Variants in FDX1 observed in about 807,000 individuals in gnomAD.
FDX1 encodes ferredoxin 1.
Under a neutral mutation model 14.9 loss-of-function variants are expected in FDX1, and 9 were observed. The ratio of observed to expected loss-of-function variants is 0.60; its 90% CI spans 0.36 to 1.05. The LOEUF (loss-of-function observed/expected upper bound fraction) is 1.05, where lower values mean the gene tolerates loss of function less well. FDX1 is among the 50% of genes least tolerant of loss of function. FDX1 has a pLI of 0.01. For missense variants in FDX1, 204 were observed against 237.2 expected, an observed-to-expected ratio of 0.86 and a Z score of 0.92; for synonymous variants, 92 against 99.4, an observed-to-expected ratio of 0.93 and a Z score of 0.44.
intron 1 of FDX1, among the ~76,000 whole-genome samples, chr11:110,435,393 A>C (rs1334136311): frequency 6.6e-6 from 1 of 152,190 alleles, no homozygotes; most frequent in East Asian, 1.9e-4. Context: ...ATAATTGCCA[A>C]ATGTTTTATA....
At chr11:110,449,971 T>C (rs935928073) in intron 2 of FDX1, among the ~76,000 whole-genome samples, 1 of 152,160 alleles carries the variant, frequency 6.6e-6, no homozygotes, top group African/African-American at 2.4e-5. Flanking sequence ...ACTGAAACTT[T>C]GTAGCCTTTG....
In FDX1 at chr11:110,430,165, T is replaced by A. The variant is rs1946320000; in HGVS notation, c.45T>A (p.Ala15=). The A allele has an allele frequency of 1.6e-6, 2 of 1,236,636 alleles. No homozygotes were observed. Among genetic ancestry groups the A allele is most frequent in the Admixed American group, 4.3e-5 (1 of 23,330 alleles). 76.6% of individuals were successfully genotyped at this position (1,236,636 alleles called of 1,614,324 possible). A position where few individuals can be genotyped will look rare whatever the true frequency, so the allele number is the denominator to read the frequency against. ...CCCGGCTGCTGCGCGCCGCTTCTGC[T>A]GTCCTCGGCGGCCCGGCCGGCCGGT... The part of the protein sequence containing the change: ...GGARLLRAAS[A]VLGGPAGRWL... The change falls in exon 1 of 4, where the codon GCT becomes GCA. Residue 15 remains alanine (A), a synonymous_variant. Coordinates refer to ENST00000260270, the MANE Select transcript of FDX1 (RefSeq NM_004109.5).
At chr11:110,439,861 A>T (rs1176054024) in intron 2 of FDX1, among the ~76,000 whole-genome samples, 1 of 152,098 alleles carries the variant, frequency 6.6e-6, no homozygotes, top group Admixed American at 6.5e-5. Context: ...GTATACAGTG[A>T]TAGGTAGGGG....
intron 3 of FDX1, among the ~76,000 whole-genome samples, chr11:110,458,093 A>C (rs1207681295): frequency 1.3e-5 from 2 of 152,164 alleles, no homozygotes; most frequent in Non-Finnish European, 2.9e-5. Context: ...TGACTGTATT[A>C]GTTTGGTTCT....
chr11:110,456,866 T>G, intron 2 of FDX1, 52 bp from the exon 3 acceptor site: 1 of 1,550,512 alleles, frequency 6.4e-7, no homozygotes, highest in Non-Finnish European at 8.7e-7. Flanking sequence ...GAACCAGGTA[T>G]GAATCGTCTG....
At chr11:110,438,187 T>C (rs1037691196) in intron 2 of FDX1, among the ~76,000 whole-genome samples, 4 of 152,220 alleles carry the variant, frequency 2.6e-5, no homozygotes, top group African/African-American at 9.6e-5. Flanking sequence ...CCATTTTTAG[T>C]TCTTTGAGAA....
Position 110,462,854 on chromosome 11 carries a change from T to G in FDX1, c.*386T>G, listed in dbSNP as rs374721853. Reference sequence around the variant, plus strand: ...AGGCAGAGATCTAACCTGGCTTGTTTAGGGCCATACCACTAATTAGAAAAT... The same window carrying G: ...AGGCAGAGATCTAACCTGGCTTGTTGAGGGCCATACCACTAATTAGAAAAT... On this transcript the variant is annotated 3_prime_UTR_variant, in exon 4 of 4. Coordinates refer to ENST00000260270, the MANE Select transcript of FDX1 (RefSeq NM_004109.5). 5.5e-5 allele frequency: 9 copies of G among 164,632 alleles called. No homozygotes were observed. Among genetic ancestry groups the G allele is most frequent in the African/African-American group, 1.9e-4 (8 of 41,710 alleles). The allele number at this position is 164,632 out of a possible 1,614,324, so 10.2% of individuals were successfully genotyped here.
intron 2 of FDX1, among the ~76,000 whole-genome samples, chr11:110,437,588 G>T (rs925571700): frequency 6.6e-6 from 1 of 152,156 alleles, no homozygotes; most frequent in Non-Finnish European, 1.5e-5. Context: ...CCGTATGTTT[G>T]TTGGCCGCTT....
intron 3 of FDX1, among the ~76,000 whole-genome samples, chr11:110,459,853 C>A (rs1379403722): frequency 6.6e-6 from 1 of 152,130 alleles, no homozygotes; most frequent in Non-Finnish European, 1.5e-5. Flanking sequence ...AGCCACAGAG[C>A]GCCACTGCCT....
chr11:110,441,359 T>C lies in FDX1; in HGVS notation c.310+5401T>C, dbSNP rs180672537. Among the ~76,000 whole-genome samples, 569 of 152,130 alleles carry C rather than the reference T, an allele frequency of 3.7e-3. 1 individual carries two copies. Among genetic ancestry groups the C allele is most frequent in the South Asian group, 0.013 (61 of 4,814 alleles). On this transcript the variant is annotated intron_variant, in intron 2 of 3. Coordinates refer to ENST00000260270, the MANE Select transcript of FDX1 (RefSeq NM_004109.5). ...ACAGTTTGGAGGGCTCAGGAGAAGA[T>C]AGGAAAATATGGGAAAGTTTGGAAC...
intron 2 of FDX1, among the ~76,000 whole-genome samples, chr11:110,451,695 A>G (rs1390190592): frequency 2.6e-5 from 4 of 152,242 alleles, no homozygotes; most frequent in Non-Finnish European, 4.4e-5. Flanking sequence ...CCAAATGCCA[A>G]TCAATGATAG....
At chr11:110,443,241 G>A (rs1412836723) in intron 2 of FDX1, among the ~76,000 whole-genome samples, 1 of 151,824 alleles carries the variant, frequency 6.6e-6, no homozygotes, top group Non-Finnish European at 1.5e-5. Flanking sequence ...GTTTATGGGT[G>A]CTGAAAATTC....
chr11:110,456,509 C>CTTTTTTTTTTTTTTTTTT (rs11463993), intron 2 of FDX1, among the ~76,000 whole-genome samples: 50 of 83,810 alleles, frequency 6.0e-4, no homozygotes, highest in Non-Finnish European at 6.7e-4. Flanking sequence ...TTTATGTATT[C>CTTTTTTTTTTTTTTTTTT]TTTTTTTTTT....
Position 110,464,640 on chromosome 11 carries a change from G to C in FDX1, c.*2172G>C, listed in dbSNP as rs1378759451. 6.6e-6 allele frequency: 1 copy of C among 152,094 alleles called. No homozygotes were observed. Among genetic ancestry groups the C allele is most frequent in the Non-Finnish European group, 1.5e-5 (1 of 68,002 alleles). 9.4% of individuals were successfully genotyped at this position (152,094 alleles called of 1,614,324 possible). A position where few individuals can be genotyped will look rare whatever the true frequency, so the allele number is the denominator to read the frequency against. On this transcript the variant is annotated 3_prime_UTR_variant, in exon 4 of 4. Transcript: ENST00000260270. ...GAGGGGACATTCAAACCATAGCAGTGCTATAATTTTAAAGTACTTCAAAGC... is the reference window on the plus strand; with the variant it reads ...GAGGGGACATTCAAACCATAGCAGTCCTATAATTTTAAAGTACTTCAAAGC...
At chr11:110,442,368 G>A (rs188893940) in intron 2 of FDX1, among the ~76,000 whole-genome samples, 46 of 152,344 alleles carry the variant, frequency 3.0e-4, no homozygotes, top group African/African-American at 1.1e-3. Flanking sequence ...CTCAATGCCA[G>A]CCCATGAAAG....
In FDX1 at chr11:110,461,059, A is replaced by G. The variant is rs149186038; in HGVS notation, c.441-1295A>G. Among the ~76,000 whole-genome samples, 99 of 152,332 alleles carry G rather than the reference A, an allele frequency of 6.5e-4. 1 individual carries two copies. Among genetic ancestry groups the G allele is most frequent in the African/African-American group, 2.3e-3 (95 of 41,576 alleles). The stretch of plus-strand genomic sequence containing the variant: ...AAGACATGTCAATTGTAAGATTAAC[A>G]TTTCTTTTTATATGCCACTAAGGAA... On this transcript the variant is annotated intron_variant, in intron 3 of 3. Coordinates refer to ENST00000260270, the MANE Select transcript of FDX1 (RefSeq NM_004109.5).
At chr11:110,452,676 T>G (rs1389885886) in intron 2 of FDX1, among the ~76,000 whole-genome samples, 2 of 151,310 alleles carry the variant, frequency 1.3e-5, no homozygotes, top group Non-Finnish European at 2.9e-5. Flanking sequence ...TGAATGAAAG[T>G]CACAATGTGA....
Position 110,429,994 on chromosome 11 carries a change from C to T in FDX1, c.-127C>T, listed in dbSNP as rs775832983. On this transcript the variant is annotated 5_prime_UTR_variant, in exon 1 of 4. Transcript: ENST00000260270. The stretch of plus-strand genomic sequence containing the variant: ...CTTCCAGCAGGGTCTCTCCGCCACT[C>T]CAGCCCCGCGCCCCTCGCCGCGGCC... 1.2e-4 allele frequency: 68 copies of T among 588,964 alleles called. No homozygotes were observed. The highest frequency in any genetic ancestry group is 1.5e-4 in the Non-Finnish European group (64 of 413,730). The allele number at this position is 588,964 out of a possible 1,614,324, so 36.5% of individuals were successfully genotyped here. A position where few individuals can be genotyped will look rare whatever the true frequency, so the allele number is the denominator to read the frequency against.
chr11:110,431,197 T>G (rs1357145374), intron 1 of FDX1, among the ~76,000 whole-genome samples: 1 of 152,206 alleles, frequency 6.6e-6, no homozygotes, highest in African/African-American at 2.4e-5. Flanking sequence ...ATGTGACAAT[T>G]TATCCCAAAT....
Sources: gnomAD v4.1 joint callset for allele counts (sites outside exome capture counted in the v4.1 genomes callset) on GRCh38, gnomAD v4.1.1 for gene constraint, MANE v1.5 for transcripts, NCBI Gene and HGNC (gene_info 2026-07-23, HGNC 2026-07-21) for gene names.